The following EFNA5 variants were observed in gnomAD, a reference collection of about 807,000 sequenced individuals.
EFNA5 encodes the protein ephrin-A5.
In EFNA5, 5 loss-of-function variants were observed where a neutral mutation model predicts 22.9. That is an observed-to-expected ratio of 0.22 (90% CI 0.11 to 0.46). The LOEUF is 0.46. Ranked by LOEUF, EFNA5 falls within the 20% of genes least tolerant of loss-of-function variation. The pLI, the probability that EFNA5 is intolerant of heterozygous loss-of-function variation, is 0.99. For missense variants in EFNA5, 237 were observed against 293.3 expected (o/e 0.81, Z 1.40); for synonymous variants, 113 against 112.2 (o/e 1.01, Z -0.04).
At chr5:107,479,433 C>T (rs1462213041) in intron 1 of EFNA5, among the ~76,000 whole-genome samples, 1 of 151,676 alleles carries the variant, frequency 6.6e-6, no homozygotes, top group Non-Finnish European at 1.5e-5. Context: ...CACAAATGCA[C>T]TGACCTCAAT....
intron 1 of EFNA5, among the ~76,000 whole-genome samples, chr5:107,642,705 A>C (rs762843313): frequency 2.0e-5 from 3 of 152,174 alleles, no homozygotes; most frequent in Non-Finnish European, 4.4e-5. Flanking sequence ...AGAGAAGAAA[A>C]AGTAAAATGT....
intron 1 of EFNA5, among the ~76,000 whole-genome samples, chr5:107,491,637 G>C (rs968840520): frequency 6.6e-6 from 1 of 152,052 alleles, no homozygotes; most frequent in Non-Finnish European, 1.5e-5. Flanking sequence ...TTGGTGACTG[G>C]AATAAGGGAA....
Position 107,650,214 on chromosome 5 carries a change from G to A in EFNA5, c.125+20275C>T, listed in dbSNP as rs1429524814. Among the ~76,000 whole-genome samples, 4 of 152,302 alleles carry A rather than the reference G, an allele frequency of 2.6e-5. No homozygotes were observed. In the South Asian group the frequency reaches 8.3e-4, roughly 32 times the overall value. ...TATGCTAAGGAATGAATTGCCTAATGTTTGCAGACACGCAATTCAACGAAA... is the reference window on the plus strand; with the variant it reads ...TATGCTAAGGAATGAATTGCCTAATATTTGCAGACACGCAATTCAACGAAA... On this transcript the variant is annotated intron_variant, in intron 1 of 4. Coordinates refer to ENST00000333274, the MANE Select transcript of EFNA5 (RefSeq NM_001962.3).
At chr5:107,491,857 G>C (rs569236891) in intron 1 of EFNA5, among the ~76,000 whole-genome samples, 28 of 152,204 alleles carry the variant, frequency 1.8e-4, no homozygotes, top group African/African-American at 6.3e-4. Flanking sequence ...TTTTGAGACA[G>C]AGTCTCACCC....
chr5:107,628,583 T>C (rs1750185117), intron 1 of EFNA5, among the ~76,000 whole-genome samples: 1 of 152,128 alleles, frequency 6.6e-6, no homozygotes, highest in African/African-American at 2.4e-5. Flanking sequence ...AAGTAGCTAA[T>C]CTATACATTA....
At chr5:107,398,371 T>G (rs763499111) in intron 2 of EFNA5, among the ~76,000 whole-genome samples, 3 of 152,116 alleles carry the variant, frequency 2.0e-5, no homozygotes, top group African/African-American at 2.4e-5. Flanking sequence ...ACTTAACCCA[T>G]TCTGTTTTGT....
intron 1 of EFNA5, among the ~76,000 whole-genome samples, chr5:107,657,777 C>A (rs1207484257): frequency 6.6e-6 from 1 of 152,040 alleles, no homozygotes; most frequent in Non-Finnish European, 1.5e-5. Context: ...TTAAGTCAGT[C>A]TACTTAACTG....
intron 1 of EFNA5, among the ~76,000 whole-genome samples, chr5:107,627,469 G>A (rs1750165791): frequency 1.3e-5 from 2 of 152,080 alleles, no homozygotes; most frequent in Admixed American, 6.5e-5. Flanking sequence ...ATACAATAAT[G>A]TTTAAAGAGT....
chr5:107,668,239 C>T (rs547982676), intron 1 of EFNA5, among the ~76,000 whole-genome samples: 1 of 151,960 alleles, frequency 6.6e-6, no homozygotes, highest in Non-Finnish European at 1.5e-5. Context: ...GTTAGAATAC[C>T]GATTTAGAAA....
intron 1 of EFNA5, among the ~76,000 whole-genome samples, chr5:107,490,548 C>A (rs1746776077): frequency 6.6e-6 from 1 of 152,202 alleles, no homozygotes; most frequent in Non-Finnish European, 1.5e-5. Context: ...CATTAAGATG[C>A]AGGCCTGCCA....
intron 1 of EFNA5, among the ~76,000 whole-genome samples, chr5:107,629,989 G>A (rs164970): frequency 0.26 from 39,894 of 151,358 alleles, 5,865 homozygotes; most frequent in Non-Finnish European, 0.33. Context: ...CTGGGAGGCG[G>A]AGGTTGCAGT....
chr5:107,523,188 A>AT (rs1747629954), intron 1 of EFNA5, among the ~76,000 whole-genome samples: 1 of 152,106 alleles, frequency 6.6e-6, no homozygotes, highest in Non-Finnish European at 1.5e-5. Flanking sequence ...CTTTTGAAAG[A>AT]TTTTACATAT....
intron 1 of EFNA5, among the ~76,000 whole-genome samples, chr5:107,450,278 G>C (rs1749524995): frequency 6.6e-6 from 1 of 152,144 alleles, no homozygotes; most frequent in East Asian, 1.9e-4. Flanking sequence ...GATTCCAAAG[G>C]CAAAGTTTTT....
In EFNA5 at chr5:107,670,798, G is replaced by A. The variant is rs1751183858; in HGVS notation, c.-185C>T. ...AAGCTGGGGAGGGGTAGGAGAGCGA[G>A]AAGAAAAGAAGGCGGTGGGATGGGG... On this transcript the variant is annotated 5_prime_UTR_variant, in exon 1 of 5. Coordinates refer to ENST00000333274, the MANE Select transcript of EFNA5 (RefSeq NM_001962.3). 2.7e-6 allele frequency: 2 copies of A among 730,076 alleles called. No individual in the cohort carries two copies. Among genetic ancestry groups the A allele is most frequent in the Admixed American group, 6.0e-5 (2 of 33,502 alleles). The allele number at this position is 730,076 out of a possible 1,614,324, so 45.2% of individuals were successfully genotyped here.
chr5:107,475,261 C>T (rs1750251625), intron 1 of EFNA5, among the ~76,000 whole-genome samples: 1 of 152,186 alleles, frequency 6.6e-6, no homozygotes, highest in Non-Finnish European at 1.5e-5. Flanking sequence ...GCTTTTCAAA[C>T]AGGTACTGGT....
intron 1 of EFNA5, among the ~76,000 whole-genome samples, chr5:107,472,199 C>T (rs1456777305): frequency 6.6e-6 from 1 of 152,046 alleles, no homozygotes; most frequent in Non-Finnish European, 1.5e-5. Flanking sequence ...CTAATTTAAC[C>T]TACAGTAATT....
intron 1 of EFNA5, among the ~76,000 whole-genome samples, chr5:107,606,200 CT>C (rs1052254366): frequency 1.3e-4 from 20 of 151,500 alleles, no homozygotes; most frequent in South Asian, 6.3e-4. Flanking sequence ...TTTTACTTGA[CT>C]TTTTTTTTAA....
At chr5:107,599,623 T>C (rs984182271) in intron 1 of EFNA5, among the ~76,000 whole-genome samples, 5 of 152,220 alleles carry the variant, frequency 3.3e-5, no homozygotes, top group Admixed American at 2.0e-4. Context: ...TAGAAATCGA[T>C]AGAAAACTTT....
intron 1 of EFNA5, among the ~76,000 whole-genome samples, chr5:107,430,638 G>C (rs1748922871): frequency 6.6e-6 from 1 of 151,972 alleles, no homozygotes; most frequent in Non-Finnish European, 1.5e-5. Flanking sequence ...AAACTGTGAG[G>C]CTGAAGACCC....
Sources: gnomAD v4.1 joint callset for allele counts (sites outside exome capture counted in the v4.1 genomes callset) on GRCh38, gnomAD v4.1.1 for gene constraint, MANE v1.5 for transcripts, NCBI Gene and HGNC (gene_info 2026-07-23, HGNC 2026-07-21) for gene names.